Variants in TCF7L2 observed in about 807,000 individuals in gnomAD.
TCF7L2 encodes transcription factor 7-like 2.
TCF7L2 carries 23 observed loss-of-function variants against 77.9 expected under a neutral mutation model. The observed-to-expected ratio is 0.30, with a 90% CI of 0.21 to 0.42. The LOEUF (loss-of-function observed/expected upper bound fraction) is 0.42. Ranked by LOEUF, TCF7L2 falls within the 10% of genes least tolerant of loss-of-function variation. The probability of loss-of-function intolerance (pLI) is 1.00; values close to 1 mark genes in which losing one functional copy is unlikely to be tolerated. For missense variants in TCF7L2, 654 were observed against 793.1 expected (o/e 0.82, Z 2.11); for synonymous variants, 413 against 340.2 (o/e 1.21, Z -2.36).
intron 4 of TCF7L2, among the ~76,000 whole-genome samples, chr10:113,001,270 C>T (rs949864766): frequency 6.6e-6 from 1 of 152,170 alleles, no homozygotes; most frequent in Non-Finnish European, 1.5e-5. Flanking sequence ...CTGTAGTGGT[C>T]CAACAAAGAG....
chr10:113,137,809 C>T (rs2067646845), intron 5 of TCF7L2, among the ~76,000 whole-genome samples: 3 of 152,224 alleles, frequency 2.0e-5, no homozygotes, highest in African/African-American at 7.2e-5. Flanking sequence ...ATTCCGCAGA[C>T]TGGGCACTTG....
At chr10:112,964,760 ATGGTGG>A in intron 4 of TCF7L2, 136 bp downstream of exon 4, 1 of 407,118 alleles carries the variant, frequency 2.5e-6, no homozygotes, top group Non-Finnish European at 4.0e-6. Context: ...GGTGGTGGTG[ATGGTGG>A]TGGTGGTGGT....
intron 5 of TCF7L2, among the ~76,000 whole-genome samples, chr10:113,105,416 C>A (rs2062172498): frequency 6.6e-6 from 1 of 152,162 alleles, no homozygotes; most frequent in Non-Finnish European, 1.5e-5. Flanking sequence ...GGTTGGATCC[C>A]TTCCATCTTC....
At chr10:113,130,085 C>T (rs903698373) in intron 5 of TCF7L2, 9 of 906,560 alleles carry the variant, frequency 9.9e-6, no homozygotes, top group African/African-American at 3.6e-5. Context: ...TTTTCCCCCC[C>T]CTTAATTTAG....
chr10:113,165,534 A>G (rs1564993991), intron 13 of TCF7L2, 21 bp from the exon 15 acceptor site: 1 of 1,612,166 alleles, frequency 6.2e-7, no homozygotes. Flanking sequence ...ATTCACAGAT[A>G]ACTCTCTCCC....
At chr10:113,078,546 TA>T (rs1172565432) in intron 5 of TCF7L2, among the ~76,000 whole-genome samples, 1 of 152,110 alleles carries the variant, frequency 6.6e-6, no homozygotes, top group Non-Finnish European at 1.5e-5. Flanking sequence ...TCCAGCTCTT[TA>T]AAAAATTTTT....
chr10:113,001,641 G>A, intron 4 of TCF7L2, among the ~76,000 whole-genome samples: 1 of 152,124 alleles, frequency 6.6e-6, no homozygotes. Context: ...GGAGGTACTG[G>A]GATAAGAGAT....
At position 113,151,031 on chromosome 10, in the gene TCF7L2, G is replaced by A. The variant is rs1418521310; in HGVS notation, c.909G>A (p.Thr303=). The A allele has an allele frequency of 5.0e-6, 8 of 1,613,828 alleles. No individual in the cohort carries two copies. The highest frequency in any genetic ancestry group is 2.2e-5 in the East Asian group (1 of 44,866). ...CCCATATGGTCCCACCACATCATACGCTACACACGACGGGCATTCCGCATC... is the reference window on the plus strand; with the variant it reads ...CCCATATGGTCCCACCACATCATACACTACACACGACGGGCATTCCGCATC... Residue 303 remains threonine, a synonymous_variant, in exon 9 of 14, where the codon ACG becomes ACA. Transcript: ENST00000627217. This position sits in a 1 kb window ranked among gnomAD's most constrained non-coding sequence, Gnocchi z 5.2.
intron 5 of TCF7L2, among the ~76,000 whole-genome samples, chr10:113,053,027 TCTG>T (rs2054736776): frequency 6.6e-6 from 1 of 152,224 alleles, no homozygotes. Flanking sequence ...TCCTGATTCA[TCTG>T]CTACACTGTG....
chr10:112,964,326 A>G (rs1046610409), intron 3 of TCF7L2, among the ~76,000 whole-genome samples: 2 of 152,056 alleles, frequency 1.3e-5, no homozygotes, highest in African/African-American at 2.4e-5. Context: ...CTGTATGCTT[A>G]TTGAATAGGT....
intron 4 of TCF7L2, among the ~76,000 whole-genome samples, chr10:112,967,376 A>G (rs978886747): frequency 3.9e-5 from 6 of 152,210 alleles, no homozygotes; most frequent in African/African-American, 1.4e-4. Context: ...CATACGACTC[A>G]TACTCTTTTC....
intron 7 of TCF7L2, 152 bp downstream of exon 7, chr10:113,144,177 C>T (rs977860698): frequency 1.6e-5 from 11 of 699,716 alleles, no homozygotes; most frequent in African/African-American, 7.6e-5. Context: ...GAGGGGGCTG[C>T]GGGAGGGCAC....
intron 5 of TCF7L2, among the ~76,000 whole-genome samples, chr10:113,110,044 A>G (rs1564907379): frequency 1.3e-5 from 2 of 152,224 alleles, no homozygotes; most frequent in Admixed American, 6.5e-5. Flanking sequence ...CCTCTAAAGA[A>G]ACATGTTTAT....
intron 5 of TCF7L2, among the ~76,000 whole-genome samples, chr10:113,106,998 C>A (rs900605175): frequency 6.6e-6 from 1 of 152,198 alleles, no homozygotes; most frequent in Non-Finnish European, 1.5e-5. Flanking sequence ...TGCAAGAGTT[C>A]ACTGGTTTTA....
intron 11 of TCF7L2, among the ~76,000 whole-genome samples, chr10:113,154,670 A>G (rs760559148): frequency 6.6e-6 from 1 of 152,150 alleles, no homozygotes; most frequent in African/African-American, 2.4e-5. Context: ...TTTTTGTGAC[A>G]TACTTTCTCG....
intron 13 of TCF7L2, among the ~76,000 whole-genome samples, chr10:113,164,953 C>T (rs1017740067): frequency 3.7e-4 from 57 of 152,270 alleles, no homozygotes; most frequent in South Asian, 2.1e-4. Flanking sequence ...CTTGCTAGCG[C>T]TGCCTTCAGC....
chr10:112,966,209 T>TATATATATATATATATA (rs1305413204), intron 4 of TCF7L2, among the ~76,000 whole-genome samples: 24 of 131,482 alleles, frequency 1.8e-4, no homozygotes, highest in Non-Finnish European at 3.3e-4. Context: ...TATATATATA[T>TATATATATATATATATA]ATTTTCTTTT....
rs368046784 is a variant in TCF7L2 at position 112,961,116 on chromosome 10, C to T, written c.382-3440C>T. On this transcript the variant is annotated intron_variant, in intron 3 of 13. Transcript: ENST00000627217. ...GCAACCTCCCCCTCCCGGGTTCAAG[C>T]GATTCTCCTGCCTCAGCCTCCCTCA... 4.1e-4 allele frequency among the ~76,000 whole-genome samples: 63 copies of T among 152,238 alleles called. No homozygotes were observed. In the South Asian group the frequency reaches 0.012, roughly 30 times the overall value.
At chr10:113,004,217 C>T (rs759670445) in intron 4 of TCF7L2, among the ~76,000 whole-genome samples, 2 of 152,102 alleles carry the variant, frequency 1.3e-5, no homozygotes, top group Non-Finnish European at 2.9e-5. Flanking sequence ...GCAGGAAGAA[C>T]AGTGTGAGCC....
Sources: allele counts gnomAD v4.1 joint callset (sites outside exome capture counted in the v4.1 genomes callset), GRCh38; gene constraint gnomAD v4.1.1; non-coding constraint Gnocchi (gnomAD v3.1); transcripts MANE v1.5; gene names NCBI Gene and HGNC (gene_info 2026-07-23, HGNC 2026-07-21).